The following TTLL3 variants were observed in gnomAD, a reference collection of about 807,000 sequenced individuals.
TTLL3 encodes the protein tubulin monoglycylase TTLL3.
A neutral mutation model predicts 75.2 loss-of-function variants in TTLL3; 63 were observed. The ratio of observed to expected loss-of-function variants is 0.84; its 90% CI spans 0.68 to 1.03. TTLL3 has a LOEUF of 1.03. TTLL3 is among the 50% of genes least tolerant of loss of function. The pLI is 0.00. For missense variants in TTLL3, 997 were observed against 1,069.9 expected (o/e 0.93, Z 0.95); for synonymous variants, 393 against 418.5 (o/e 0.94, Z 0.74).
intron 13 of TTLL3, 34 bp downstream of exon 13, chr3:9,834,941 C>G: frequency 6.2e-7 from 1 of 1,614,148 alleles, no homozygotes; most frequent in South Asian, 1.1e-5. Flanking sequence ...ACCCAGTGGA[C>G]AGTGCTGAGC....
chr3:9,819,149 T>C (rs1362255589), intron 7 of TTLL3: 2 of 565,340 alleles, frequency 3.5e-6, no homozygotes, highest in Non-Finnish European at 6.2e-6. Flanking sequence ...CCACCCACCC[T>C]TCCACTCATC....
rs1288496395 is a variant in TTLL3 at position 9,810,716 on chromosome 3, G to A, written c.48+7G>A. 1.3e-6 allele frequency: 2 copies of A among 1,582,340 alleles called. No homozygotes were observed. Among genetic ancestry groups the A allele is most frequent in the Non-Finnish European group, 1.7e-6 (2 of 1,164,434 alleles). ...CGTGGAGAGAGCTGTCAAGGTCAGA[G>A]GAGGGGCAGGGGCGCTTAGAAAGGG... On this transcript the variant is annotated splice_region_variant and intron_variant, in intron 2 of 13. Coordinates refer to ENST00000685419, the MANE Select transcript of TTLL3 (RefSeq NM_001387446.1). This position sits in a 1 kb window ranked among gnomAD's most constrained non-coding sequence, Gnocchi z 4.4.
At chr3:9,819,329 C>T (rs942716048) in intron 7 of TTLL3, 1 of 222,116 alleles carries the variant, frequency 4.5e-6, no homozygotes, top group Non-Finnish European at 8.4e-6. Context: ...CCTATCTGTT[C>T]TTCAGGCCAT....
Position 9,810,834 on chromosome 3 carries a change from C to A in TTLL3, c.48+125C>A. 1.1e-6 allele frequency: 1 copy of A among 887,734 alleles called. No homozygotes were observed. The highest frequency in any genetic ancestry group is 1.7e-6 in the Non-Finnish European group (1 of 594,402). The allele number at this position is 887,734 out of a possible 1,614,324, so 55.0% of individuals were successfully genotyped here. ...AAAAAACAATAGCAAAAATCCTCAA[C>A]CACCACACCCATCTTCAACTACCTC... is the stretch of plus-strand genomic sequence containing the variant. On this transcript the variant is annotated intron_variant, in intron 2 of 13. Transcript: ENST00000685419. The surrounding 1 kb of genome is among the most constrained non-coding windows in gnomAD (Gnocchi z 4.4).
intron 12 of TTLL3, chr3:9,834,151 T>A (rs2125005160): frequency 3.5e-6 from 1 of 286,838 alleles, no homozygotes; most frequent in South Asian, 3.4e-5. Context: ...CAAATGAGTA[T>A]TGTCTCCTCC....
intron 8 of TTLL3, among the ~76,000 whole-genome samples, chr3:9,822,357 G>A (rs977763204): frequency 2.0e-5 from 3 of 151,568 alleles, no homozygotes; most frequent in African/African-American, 7.3e-5. Flanking sequence ...ATGAGCCACC[G>A]CGCCCGGCCA....
chr3:9,813,295 T>G lies in TTLL3; in HGVS notation c.265T>G (p.Phe89Val), dbSNP rs765356316. 6.2e-7 allele frequency: 1 copy of G among 1,614,240 alleles called. No homozygotes were observed. The highest frequency in any genetic ancestry group is 8.5e-7 in the Non-Finnish European group (1 of 1,180,052). Residue 89 changes from phenylalanine to valine, a missense_variant, in exon 4 of 14, where the codon TTC becomes GTC. By Grantham distance (50) the Phe-to-Val change is conservative (BLOSUM62 -1). Transcript: ENST00000685419. ...GTTCCAGCCATCACAGCTGTTCGAC[T>G]TCGATGATTTACTGAAATTTGATGA... ...EEFQPSQLFD[F>V]DDLLKFDDLD... is the part of the protein sequence containing the mutation.
chr3:9,810,334 T>TCGGATACCCACCCCCTCGGCCCCCC lies in TTLL3; in HGVS notation c.-101_-77dup. On this transcript the variant is annotated 5_prime_UTR_variant, in exon 1 of 14. Coordinates refer to ENST00000685419, the MANE Select transcript of TTLL3 (RefSeq NM_001387446.1). The surrounding 1 kb of genome is among the most constrained non-coding windows in gnomAD (Gnocchi z 4.4). Reference sequence around the variant, plus strand: ...CCCAGGCACCCACGCCCAGGGCGCCTCGGATACCCACCCCCTCGGCCCCCC... The same window carrying TCGGATACCCACCCCCTCGGCCCCCC: ...CCCAGGCACCCACGCCCAGGGCGCCTCGGATACCCACCCCCTCGGCCCCCCCGGATACCCACCCCCTCGGCCCCCC... 2 of 1,456,726 alleles carry TCGGATACCCACCCCCTCGGCCCCCC rather than the reference T, an allele frequency of 1.4e-6. No homozygotes were observed. The highest frequency in any genetic ancestry group is 1.8e-6 in the Non-Finnish European group (2 of 1,116,158). 90.2% of individuals were successfully genotyped at this position (1,456,726 alleles called of 1,614,324 possible).
At chr3:9,810,178 C>T (rs978051735), upstream of TTLL3, 5 of 1,470,608 alleles carry the variant, frequency 3.4e-6, no homozygotes, top group East Asian at 2.9e-5. This position sits in a 1 kb window ranked among gnomAD's most constrained non-coding sequence, Gnocchi z 4.4. Context: ...CTCCGAGTTC[C>T]GTCCACCCAG....
chr3:9,816,928 A>G (rs1225007287), intron 5 of TTLL3, among the ~76,000 whole-genome samples: 2 of 152,106 alleles, frequency 1.3e-5, no homozygotes, highest in South Asian at 4.1e-4. Context: ...ATGACCTGCC[A>G]TTATATTATT....
In TTLL3 at chr3:9,810,429, A is replaced by C. The variant is rs960344374; in HGVS notation, c.-42+35A>C. The C allele has an allele frequency of 2.1e-6, 3 of 1,424,768 alleles. No individual in the cohort carries two copies. Among genetic ancestry groups the C allele is most frequent in the South Asian group, 1.5e-5 (1 of 66,780 alleles). 88.3% of individuals were successfully genotyped at this position (1,424,768 alleles called of 1,614,324 possible). The stretch of plus-strand genomic sequence containing the variant: ...GTGCGGCCCGCTCGCTCTGGCCTAC[A>C]GCGGCTGCGAGGACGACAAGACGCT... On this transcript the variant is annotated intron_variant, in intron 1 of 13. Coordinates refer to ENST00000685419, the MANE Select transcript of TTLL3 (RefSeq NM_001387446.1). This position sits in a 1 kb window ranked among gnomAD's most constrained non-coding sequence, Gnocchi z 4.4.
chr3:9,811,167 C>G (rs1331203620), intron 2 of TTLL3, among the ~76,000 whole-genome samples: 1 of 152,192 alleles, frequency 6.6e-6, no homozygotes, highest in Non-Finnish European at 1.5e-5. Flanking sequence ...TCTCCTTTGG[C>G]TGTGTCCTTG....
chr3:9,826,905 C>G, intron 9 of TTLL3, 92 bp from the exon 10 acceptor site: 2 of 1,576,268 alleles, frequency 1.3e-6, no homozygotes. Flanking sequence ...TCAGCCCTAT[C>G]AGCTCCGAGG....
intron 12 of TTLL3, 177 bp downstream of exon 12, chr3:9,833,422 G>A (rs1446748351): frequency 4.9e-6 from 5 of 1,020,182 alleles, no homozygotes; most frequent in Non-Finnish European, 7.0e-6. Flanking sequence ...CTGGGAGTGG[G>A]ATGCCCCCAG....
At chr3:9,832,309 A>C (rs1025603506) in intron 11 of TTLL3, among the ~76,000 whole-genome samples, 2 of 151,876 alleles carry the variant, frequency 1.3e-5, no homozygotes. Flanking sequence ...GCTGATCTCG[A>C]ACTCTTGACC....
intron 8 of TTLL3, among the ~76,000 whole-genome samples, chr3:9,822,787 T>A (rs1379232564): frequency 6.9e-6 from 1 of 145,122 alleles, no homozygotes; most frequent in East Asian, 2.1e-4. Flanking sequence ...ATATATATAT[T>A]TTTTAGAGAC....
In TTLL3 at chr3:9,828,974, G is replaced by A. The variant is rs137955433; in HGVS notation, c.1262G>A (p.Cys421Tyr). ...CTCTGCCCCAGCTCAGTGCACCTGT[G>A]CAACAACTCCATCCAGAAGCACCTG... The part of the protein sequence containing the change: ...LKNLDNSVHL[C>Y]NNSIQKHLEN... The change falls in exon 11 of 14, where the codon TGC (cysteine) becomes TAC (tyrosine). Residue 421 changes from cysteine (C) to tyrosine (Y), a missense_variant. By Grantham distance (194) the Cys-to-Tyr change is radical. Coordinates refer to ENST00000685419, the MANE Select transcript of TTLL3 (RefSeq NM_001387446.1). 1.2e-6 allele frequency: 2 copies of A among 1,614,210 alleles called. No individual in the cohort carries two copies. Among genetic ancestry groups the A allele is most frequent in the African/African-American group, 2.7e-5 (2 of 75,054 alleles).
chr3:9,834,317 A>C, intron 12 of TTLL3: 1 of 487,618 alleles, frequency 2.1e-6, no homozygotes, highest in Non-Finnish European at 4.0e-6. Context: ...TCGGGGAAAG[A>C]ACTAACACAT....
intron 13 of TTLL3, 61 bp from the exon 14 acceptor site, chr3:9,835,033 G>A (rs2081953716): frequency 3.8e-6 from 6 of 1,590,032 alleles, no homozygotes; most frequent in African/African-American, 1.3e-5. Flanking sequence ...GTCTCCCTCA[G>A]AAGCCCCTTC....
Sources: allele counts gnomAD v4.1 joint callset (sites outside exome capture counted in the v4.1 genomes callset), GRCh38; gene constraint gnomAD v4.1.1; non-coding constraint Gnocchi (gnomAD v3.1); transcripts MANE v1.5; gene names NCBI Gene and HGNC (gene_info 2026-07-23, HGNC 2026-07-21).